Variants in NSL1 observed in about 807,000 individuals in gnomAD.
NSL1 encodes the protein NSL1 component of MIS12 kinetochore complex, also known as kinetochore-associated protein NSL1 homolog.
Under a neutral mutation model 25.4 loss-of-function variants are expected in NSL1, and 11 were observed. The ratio of observed to expected loss-of-function variants is 0.43; its 90% CI spans 0.27 to 0.72. The LOEUF (loss-of-function observed/expected upper bound fraction) is 0.72, where lower values mean the gene tolerates loss of function less well. Among genes scored for constraint, NSL1 ranks in the 30% least tolerant of loss-of-function variants. NSL1 has a pLI of 0.19. For missense variants in NSL1, 330 were observed against 342.7 expected, an observed-to-expected ratio of 0.96 and a Z score of 0.29; for synonymous variants, 118 against 120.6, an observed-to-expected ratio of 0.98 and a Z score of 0.14.
At chr1:212,744,630 G>A (rs760236074) in intron 4 of NSL1, among the ~76,000 whole-genome samples, 1 of 152,096 alleles carries the variant, frequency 6.6e-6, no homozygotes, top group Non-Finnish European at 1.5e-5. Flanking sequence ...TAAATAATGT[G>A]TGTCACCGAA....
At chr1:212,765,721 G>T (rs113220807) in intron 4 of NSL1, among the ~76,000 whole-genome samples, 1 of 152,004 alleles carries the variant, frequency 6.6e-6, no homozygotes, top group Non-Finnish European at 1.5e-5. Context: ...CAGGAGAATC[G>T]CTTGAACCTG....
At chr1:212,768,735 G>A (rs565645427) in intron 4 of NSL1, among the ~76,000 whole-genome samples, 5 of 152,200 alleles carry the variant, frequency 3.3e-5, no homozygotes, top group Non-Finnish European at 7.4e-5. Flanking sequence ...AAGGTTGTGG[G>A]GCTGAGGGAA....
At chr1:212,773,467 C>G (rs1445110201) in intron 4 of NSL1, among the ~76,000 whole-genome samples, 1 of 152,012 alleles carries the variant, frequency 6.6e-6, no homozygotes, top group Non-Finnish European at 1.5e-5. Flanking sequence ...AAATGCAAAT[C>G]AAAATCACAA....
intron 4 of NSL1, among the ~76,000 whole-genome samples, chr1:212,744,770 C>A (rs963888158): frequency 1.6e-4 from 24 of 152,042 alleles, no homozygotes; most frequent in Non-Finnish European, 3.4e-4. Context: ...TTTGGGCAGG[C>A]AGAAGAATTA....
In NSL1 at chr1:212,770,455, G is replaced by A. The variant is rs955399176; in HGVS notation, c.499+11917C>T. On this transcript the variant is annotated intron_variant, in intron 4 of 5. Coordinates refer to ENST00000366977, the MANE Select transcript of NSL1 (RefSeq NM_015471.4). ...AAATTCCTGGACATATACAACCTAC[G>A]TTGATTGAACCAGGAAAAAAACAAA... Among the ~76,000 whole-genome samples, 4 of 151,792 alleles carry A rather than the reference G, an allele frequency of 2.6e-5. No homozygotes were observed. In the East Asian group the frequency reaches 5.8e-4, roughly 22 times the overall value.
Position 212,727,329 on chromosome 1 carries a change from G to A in NSL1, c.*11079C>T. On this transcript the variant is annotated 3_prime_UTR_variant, in exon 6 of 6. Coordinates refer to ENST00000366977, the MANE Select transcript of NSL1 (RefSeq NM_015471.4). ...AGGATCCCCTTCCAAATTACTGAGG[G>A]GCAGTAAGTCCTGGCACTCAGCACA... 1.5e-6 allele frequency: 2 copies of A among 1,291,008 alleles called. No homozygotes were observed. The highest frequency in any genetic ancestry group is 2.0e-6 in the Non-Finnish European group (2 of 1,017,578). The allele number at this position is 1,291,008 out of a possible 1,614,324, so 80.0% of individuals were successfully genotyped here. A position where few individuals can be genotyped will look rare whatever the true frequency, so the allele number is the denominator to read the frequency against.
intron 4 of NSL1, among the ~76,000 whole-genome samples, chr1:212,770,594 C>T (rs1660056784): frequency 6.6e-6 from 1 of 152,152 alleles, no homozygotes; most frequent in Non-Finnish European, 1.5e-5. Flanking sequence ...AGATGGCTTT[C>T]CTGCTAAATT....
rs1254426757 is a variant in NSL1 at position 212,745,160 on chromosome 1, CTATATATATATATATATATATATATAT to C, written c.500-5586_500-5560del. Reference sequence around the variant, plus strand: ...CAAAACAAACAAACAAACAAACAAACTATATATATATATATATATATATATATATATATATATATATATGCATATGCA... The same window carrying C: ...CAAAACAAACAAACAAACAAACAAACATATATATATATATATGCATATGCA... On this transcript the variant is annotated intron_variant, in intron 4 of 5. Coordinates refer to ENST00000366977, the MANE Select transcript of NSL1 (RefSeq NM_015471.4). Among the ~76,000 whole-genome samples the C allele has an allele frequency of 4.0e-3, 466 of 117,716 alleles. 6 individuals are homozygous for C. The highest frequency in any genetic ancestry group is 1.0e-2 in the Admixed American group (105 of 10,534). The allele number at this position is 117,716 out of a possible 152,430, so 77.2% of individuals were successfully genotyped here.
In NSL1 at chr1:212,730,903, G is replaced by T; in HGVS notation, c.*7505C>A. 2 of 985,344 alleles carry T rather than the reference G, an allele frequency of 2.0e-6. No individual in the cohort carries two copies. Among genetic ancestry groups the T allele is most frequent in the Non-Finnish European group, 2.4e-6 (2 of 829,926 alleles). 61.0% of individuals were successfully genotyped at this position (985,344 alleles called of 1,614,324 possible). A position where few individuals can be genotyped will look rare whatever the true frequency, so the allele number is the denominator to read the frequency against. On this transcript the variant is annotated 3_prime_UTR_variant, in exon 6 of 6. Transcript: ENST00000366977. ...ACAAGCCATTAATGTGTGAGATTGT[G>T]ATCCAGGGAAACCGACAAGTTAGAA...
rs780852355 is a variant in NSL1 at position 212,733,432 on chromosome 1, A to AC, written c.*4975dup. ...GGGCAACACAGCAAGACCTTGTTTC[A>AC]CAAAAAAAAAAAAAAAAAAATCCCA... On this transcript the variant is annotated 3_prime_UTR_variant, in exon 6 of 6. Transcript: ENST00000366977. Among the ~76,000 whole-genome samples the AC allele has an allele frequency of 8.1e-5, 3 of 37,206 alleles. No individual in the cohort carries two copies. The highest frequency in any genetic ancestry group is 9.3e-4 in the South Asian group (1 of 1,070). 24.4% of individuals were successfully genotyped at this position (37,206 alleles called of 152,430 possible). A position where few individuals can be genotyped will look rare whatever the true frequency, so the allele number is the denominator to read the frequency against.
chr1:212,780,592 A>G (rs72758454), intron 4 of NSL1, among the ~76,000 whole-genome samples: 13,288 of 152,004 alleles, frequency 0.087, 663 homozygotes, highest in Middle Eastern at 0.15. Context: ...AAAACTTTCA[A>G]GAGGTTCCCA....
intron 1 of NSL1, among the ~76,000 whole-genome samples, chr1:212,788,485 G>A (rs1317285177): frequency 6.6e-6 from 1 of 151,960 alleles, no homozygotes; most frequent in Non-Finnish European, 1.5e-5. Flanking sequence ...TTTTTTGTAA[G>A]GTTGAAAATG....
At chr1:212,774,801 A>G (rs1558058564) in intron 4 of NSL1, among the ~76,000 whole-genome samples, 1 of 152,222 alleles carries the variant, frequency 6.6e-6, no homozygotes, top group African/African-American at 2.4e-5. Flanking sequence ...GAGTTGCCAC[A>G]TGACTCAGCA....
In NSL1 at chr1:212,732,578, G is replaced by A. The variant is rs1214772558; in HGVS notation, c.*5830C>T. 11 of 980,318 alleles carry A rather than the reference G, an allele frequency of 1.1e-5. No individual in the cohort carries two copies. The highest frequency in any genetic ancestry group is 1.2e-5 in the Non-Finnish European group (10 of 825,364). The allele number at this position is 980,318 out of a possible 1,614,324, so 60.7% of individuals were successfully genotyped here. On this transcript the variant is annotated 3_prime_UTR_variant, in exon 6 of 6. Transcript: ENST00000366977. The stretch of plus-strand genomic sequence containing the variant: ...CAAGGTGCTGGGATTACAGGTGTGA[G>A]CCACCGCACCCGGCCTACATAGTCT...
chr1:212,728,900 T>C lies in NSL1; in HGVS notation c.*9508A>G. On this transcript the variant is annotated 3_prime_UTR_variant, in exon 6 of 6. Coordinates refer to ENST00000366977, the MANE Select transcript of NSL1 (RefSeq NM_015471.4). ...GGGTGGGGAGGCCAGAGTCCACCACTCTGGCAAAGAGCAGTGTTTATTTGT... is the reference window on the plus strand; with the variant it reads ...GGGTGGGGAGGCCAGAGTCCACCACCCTGGCAAAGAGCAGTGTTTATTTGT... 1.0e-6 allele frequency: 1 copy of C among 985,416 alleles called. No individual in the cohort carries two copies. The highest frequency in any genetic ancestry group is 4.7e-5 in the South Asian group (1 of 21,280). The allele number at this position is 985,416 out of a possible 1,614,324, so 61.0% of individuals were successfully genotyped here.
chr1:212,737,517 G>A lies in NSL1; in HGVS notation c.*891C>T. Reference sequence around the variant, plus strand: ...AAGAAACTATAGTTAAATGTTAGAAGTAAAGCCAATATCGTTTTCTCAGAC... The same window carrying A: ...AAGAAACTATAGTTAAATGTTAGAAATAAAGCCAATATCGTTTTCTCAGAC... On this transcript the variant is annotated 3_prime_UTR_variant, in exon 6 of 6. Coordinates refer to ENST00000366977, the MANE Select transcript of NSL1 (RefSeq NM_015471.4). 1 of 981,776 alleles carries A rather than the reference G, an allele frequency of 1.0e-6. No homozygotes were observed. Among genetic ancestry groups the A allele is most frequent in the Non-Finnish European group, 1.2e-6 (1 of 826,628 alleles). 60.8% of individuals were successfully genotyped at this position (981,776 alleles called of 1,614,324 possible).
Position 212,760,232 on chromosome 1 carries a change from A to T in NSL1, c.500-20631T>A, listed in dbSNP as rs111351790. 0.023 allele frequency among the ~76,000 whole-genome samples: 3,462 copies of T among 152,160 alleles called. 61 individuals are homozygous for T. Among genetic ancestry groups the T allele is most frequent in the South Asian group, 0.042 (201 of 4,818 alleles). On this transcript the variant is annotated intron_variant, in intron 4 of 5. Transcript: ENST00000366977. The surrounding 1 kb of genome is among the most constrained non-coding windows in gnomAD (Gnocchi z 4.3). ...GAGCACACTAACCAAGGGCAAAGGG[A>T]TAGCCCTGCCCTGCCCACCACAACT...
intron 4 of NSL1, among the ~76,000 whole-genome samples, chr1:212,766,765 A>G (rs985527783): frequency 6.6e-6 from 1 of 152,208 alleles, no homozygotes; most frequent in Non-Finnish European, 1.5e-5. Context: ...CATCAGTAGC[A>G]CTGCTACACA....
intron 2 of NSL1, among the ~76,000 whole-genome samples, chr1:212,785,438 C>A (rs1660901689): frequency 6.6e-6 from 1 of 151,814 alleles, no homozygotes; most frequent in South Asian, 2.1e-4. Context: ...TGTGCTGCAC[C>A]CATTAACTCG....
Sources: gnomAD v4.1 joint callset for allele counts (sites outside exome capture counted in the v4.1 genomes callset) on GRCh38, gnomAD v4.1.1 for gene constraint, Gnocchi (gnomAD v3.1) non-coding constraint, MANE v1.5 for transcripts, NCBI Gene and HGNC (gene_info 2026-07-23, HGNC 2026-07-21) for gene names.